Variants in IGF2BP3 observed in about 807,000 individuals in gnomAD.
The protein encoded by IGF2BP3 is insulin-like growth factor 2 mRNA-binding protein 3.
A neutral mutation model predicts 73.8 loss-of-function variants in IGF2BP3; 9 were observed. The ratio of observed to expected loss-of-function variants is 0.12; its 90% CI spans 0.07 to 0.21. The LOEUF is 0.21. IGF2BP3 is among the 10% of genes least tolerant of loss of function. The pLI is 1.00. For synonymous variants in IGF2BP3, 258 were observed against 256.7 expected, an observed-to-expected ratio of 1.01 and a Z score of -0.05; for missense variants, 542 against 714.0, an observed-to-expected ratio of 0.76 and a Z score of 2.75.
chr7:23,413,990 A>AAT (rs996783452), intron 3 of IGF2BP3: 2 of 152,172 alleles, frequency 1.3e-5, no homozygotes, highest in African/African-American at 4.8e-5. Context: ...CTCTACTAAA[A>AAT]ATACAAAAAA....
rs144747156 is a variant in IGF2BP3 at position 23,316,343 on chromosome 7, T to C, written c.1395+1296A>G. Among the ~76,000 whole-genome samples the C allele has an allele frequency of 4.6e-5, 7 of 152,242 alleles. No homozygotes were observed. In the East Asian group the frequency reaches 1.4e-3, roughly 29 times the overall value. Reference sequence around the variant, plus strand: ...GAGAGAGGTGGGGTGGGGAGAGAACTGTATGCACTGTTACTAGTTACTGTT... The same window carrying C: ...GAGAGAGGTGGGGTGGGGAGAGAACCGTATGCACTGTTACTAGTTACTGTT... On this transcript the variant is annotated intron_variant, in intron 12 of 14. Coordinates refer to ENST00000258729, the MANE Select transcript of IGF2BP3 (RefSeq NM_006547.3).
chr7:23,449,729 TTG>T (rs1404263322), intron 2 of IGF2BP3, among the ~76,000 whole-genome samples: 4 of 151,682 alleles, frequency 2.6e-5, no homozygotes, highest in African/African-American at 9.7e-5. Context: ...CGCTCATTTT[TTG>T]TGTTTTTAGT....
At chr7:23,428,212 C>T (rs1787567592) in intron 2 of IGF2BP3, among the ~76,000 whole-genome samples, 1 of 152,056 alleles carries the variant, frequency 6.6e-6, no homozygotes, top group Non-Finnish European at 1.5e-5. Context: ...TGGCTCATGC[C>T]TGTAATCCCA....
chr7:23,386,042 T>C (rs1162636745), intron 3 of IGF2BP3, among the ~76,000 whole-genome samples: 1 of 152,216 alleles, frequency 6.6e-6, no homozygotes, highest in Non-Finnish European at 1.5e-5. Flanking sequence ...TAAGATTTGT[T>C]TCAAATTATC....
chr7:23,401,507 G>A (rs1184349762), intron 3 of IGF2BP3, among the ~76,000 whole-genome samples: 1 of 152,186 alleles, frequency 6.6e-6, no homozygotes, highest in Non-Finnish European at 1.5e-5. Context: ...GCTCACGCCT[G>A]TAATTTCAGT....
chr7:23,434,101 A>AG (rs1280010682), intron 2 of IGF2BP3, among the ~76,000 whole-genome samples: 1 of 151,748 alleles, frequency 6.6e-6, no homozygotes, highest in Non-Finnish European at 1.5e-5. Context: ...TAAAAAAAAA[A>AG]AAAAAAAGAA....
chr7:23,327,668 T>C (rs1292770413), intron 10 of IGF2BP3, among the ~76,000 whole-genome samples: 1 of 152,172 alleles, frequency 6.6e-6, no homozygotes, highest in Non-Finnish European at 1.5e-5. Flanking sequence ...TTTAAAATTT[T>C]AAGCCGTTTT....
In IGF2BP3 at chr7:23,358,728, T is replaced by C. The variant is rs189664027; in HGVS notation, c.401+2806A>G. On this transcript the variant is annotated intron_variant, in intron 5 of 14. Coordinates refer to ENST00000258729, the MANE Select transcript of IGF2BP3 (RefSeq NM_006547.3). ...AGAATGAAAACATATTCCATATCCC[T>C]TTTAAAAGCTTATTAGAAAACTGAT... 1.3e-3 allele frequency among the ~76,000 whole-genome samples: 195 copies of C among 152,352 alleles called. 1 individual carries two copies. Among genetic ancestry groups the C allele is most frequent in the African/African-American group, 4.6e-3 (190 of 41,584 alleles).
chr7:23,396,402 G>C (rs73088171), intron 3 of IGF2BP3: 2,808 of 153,890 alleles, frequency 0.018, 50 homozygotes, highest in Middle Eastern at 0.038. Flanking sequence ...TCTGACTTCT[G>C]AAATATGTAC....
intron 10 of IGF2BP3, among the ~76,000 whole-genome samples, chr7:23,320,538 T>C (rs1486670921): frequency 6.7e-6 from 1 of 150,326 alleles, no homozygotes; most frequent in Non-Finnish European, 1.5e-5. Context: ...TCTAACAATA[T>C]AGTGAGAAAA....
At chr7:23,426,132 GC>G (rs1235702536) in intron 2 of IGF2BP3, among the ~76,000 whole-genome samples, 1 of 151,882 alleles carries the variant, frequency 6.6e-6, no homozygotes, top group African/African-American at 2.4e-5. Context: ...TTTGAGACCA[GC>G]CTGGCCAACA....
At chr7:23,406,577 A>G (rs1476911120) in intron 3 of IGF2BP3, among the ~76,000 whole-genome samples, 4 of 152,102 alleles carry the variant, frequency 2.6e-5, no homozygotes, top group African/African-American at 9.7e-5. Flanking sequence ...TACAGCTCTT[A>G]AAGGTAGTGT....
rs1196758005 is a variant in IGF2BP3, at chr7:23,424,970, TCC to T, written c.237-6148_237-6147del. ...ATTCTATACCCACACCTGTACCAAG[TCC>T]CCCTTACGTAGCATGCCATGCTGAA... On this transcript the variant is annotated intron_variant, in intron 2 of 14. Coordinates refer to ENST00000258729, the MANE Select transcript of IGF2BP3 (RefSeq NM_006547.3). Among the ~76,000 whole-genome samples the T allele has an allele frequency of 5.9e-5, 9 of 152,154 alleles. No individual in the cohort carries two copies. In the East Asian group the frequency reaches 1.5e-3, roughly 26 times the overall value.
In IGF2BP3 at chr7:23,424,774, T is replaced by TTTTTA. The variant is rs573986217; in HGVS notation, c.237-5951_237-5950insTAAAA. Among the ~76,000 whole-genome samples the TTTTTA allele has an allele frequency of 8.5e-5, 13 of 152,258 alleles. 1 individual carries two copies. The South Asian group carries it at 2.7e-3, about 32-fold the overall frequency. On this transcript the variant is annotated intron_variant, in intron 2 of 14. Coordinates refer to ENST00000258729, the MANE Select transcript of IGF2BP3 (RefSeq NM_006547.3). ...ATTAAAATTAATTTTTAAGAGCCAA[T>TTTTTA]AGAGCAGCTCATGTAGACTCTGAAG...
intron 3 of IGF2BP3, among the ~76,000 whole-genome samples, chr7:23,393,088 C>T (rs1786336276): frequency 6.6e-6 from 1 of 152,096 alleles, no homozygotes; most frequent in African/African-American, 2.4e-5. Context: ...GGAATTAACC[C>T]ACCTTTGCTT....
chr7:23,435,662 T>C (rs1256593382), intron 2 of IGF2BP3, among the ~76,000 whole-genome samples: 1 of 152,180 alleles, frequency 6.6e-6, no homozygotes, highest in East Asian at 1.9e-4. Context: ...TTCACCATGT[T>C]GGCCAGGATG....
At chr7:23,446,407 C>T (rs1175957625) in intron 2 of IGF2BP3, among the ~76,000 whole-genome samples, 1 of 151,826 alleles carries the variant, frequency 6.6e-6, no homozygotes, top group Non-Finnish European at 1.5e-5. Flanking sequence ...ACTAAAAATA[C>T]AAAAAATTAG....
At chr7:23,389,394 T>C (rs1358328555) in intron 3 of IGF2BP3, among the ~76,000 whole-genome samples, 2 of 152,106 alleles carry the variant, frequency 1.3e-5, no homozygotes, top group Non-Finnish European at 2.9e-5. Flanking sequence ...ACTCGTGACC[T>C]GGTGATCTGC....
intron 3 of IGF2BP3, among the ~76,000 whole-genome samples, chr7:23,375,364 C>T (rs1266996237): frequency 6.6e-6 from 1 of 152,098 alleles, no homozygotes; most frequent in African/African-American, 2.4e-5. Context: ...TTTCATTCCA[C>T]CCCCTTCAGG....
Sources: allele counts gnomAD v4.1 joint callset (sites outside exome capture counted in the v4.1 genomes callset), GRCh38; gene constraint gnomAD v4.1.1; transcripts MANE v1.5; gene names NCBI Gene and HGNC (gene_info 2026-07-23, HGNC 2026-07-21).